The following FZD3 variants were observed in gnomAD, a reference collection of about 807,000 sequenced individuals.
FZD3 encodes the protein frizzled class receptor 3.
Under a neutral mutation model 60.7 loss-of-function variants are expected in FZD3, and 30 were observed. That is an observed-to-expected ratio of 0.49 (90% CI 0.37 to 0.67). FZD3 has a LOEUF of 0.67. FZD3 is among the 30% of genes least tolerant of loss of function. The pLI is 0.00. For missense variants in FZD3, 605 were observed against 838.7 expected (o/e 0.72, Z 3.44); for synonymous variants, 246 against 275.2 (o/e 0.89, Z 1.05).
rs772847603 is a variant in FZD3 at position 28,527,962 on chromosome 8, G to A, written c.1202G>A (p.Arg401Gln). 4 of 1,613,872 alleles carry A rather than the reference G, an allele frequency of 2.5e-6. No homozygotes were observed. Among genetic ancestry groups the A allele is most frequent in the Non-Finnish European group, 3.4e-6 (4 of 1,179,816 alleles). Reference protein sequence around the residue: ...LAGIISLNRVRIEIPLEKENQ... With the variant: ...LAGIISLNRVQIEIPLEKENQ... ...GGCATTATATCCCTAAACAGAGTTC[G>A]AATTGAGATTCCATTAGAAAAGGAG... The change falls in exon 5 of 8, where the codon CGA becomes CAA. Residue 401 changes from arginine (R) to glutamine (Q), a missense_variant. Physicochemically the swap from Arg to Gln is conservative, Grantham distance 43. Transcript: ENST00000240093. The surrounding 1 kb of genome is among the most constrained non-coding windows in gnomAD (Gnocchi z 5.0).
chr8:28,523,614 A>T lies in FZD3; in HGVS notation c.386+2780A>T, dbSNP rs1030862401. Among the ~76,000 whole-genome samples, 10 of 150,992 alleles carry T rather than the reference A, an allele frequency of 6.6e-5. No homozygotes were observed. In the South Asian group the frequency reaches 8.4e-4, roughly 13 times the overall value. On this transcript the variant is annotated intron_variant, in intron 4 of 7. Coordinates refer to ENST00000240093, the MANE Select transcript of FZD3 (RefSeq NM_017412.4). ...CCAGCTAATTAAAAAAAAAAAAAAA[A>T]TTTGTAGAGATGGGGTCTTGCTTTG...
intron 5 of FZD3, among the ~76,000 whole-genome samples, chr8:28,537,945 C>T (rs189234295): frequency 1.3e-5 from 2 of 151,906 alleles, no homozygotes; most frequent in Non-Finnish European, 2.9e-5. Context: ...GGTGAAACCC[C>T]GACTCTACTA....
At chr8:28,562,179 C>A (rs1244017958) in intron 7 of FZD3, among the ~76,000 whole-genome samples, 2 of 152,160 alleles carry the variant, frequency 1.3e-5, no homozygotes, top group African/African-American at 4.8e-5. Flanking sequence ...GAAGGAGCAT[C>A]TTCACAGCCT....
chr8:28,511,314 C>G (rs933694492), intron 3 of FZD3, among the ~76,000 whole-genome samples: 4 of 152,006 alleles, frequency 2.6e-5, no homozygotes, highest in African/African-American at 9.7e-5. Context: ...GGTGAAACCC[C>G]GTCTCTACTA....
At chr8:28,550,481 C>CTTT (rs386412443) in intron 5 of FZD3, among the ~76,000 whole-genome samples, 107 of 34,344 alleles carry the variant, frequency 3.1e-3, no homozygotes, top group African/African-American at 5.4e-3. Flanking sequence ...CTTCTTTTAT[C>CTTT]TTTTTTTTTT....
intron 3 of FZD3, among the ~76,000 whole-genome samples, chr8:28,507,711 A>G (rs1444605064): frequency 6.6e-6 from 1 of 151,162 alleles, no homozygotes; most frequent in African/African-American, 2.4e-5. Context: ...TAATTAGTTG[A>G]TTCCCAAGCA....
chr8:28,558,009 G>A (rs1254512304), intron 7 of FZD3, among the ~76,000 whole-genome samples: 2 of 152,242 alleles, frequency 1.3e-5, no homozygotes, highest in Admixed American at 1.3e-4. Flanking sequence ...AGAGGAGGCA[G>A]TTGGGAGTTA....
chr8:28,496,788 T>C (rs1803856159), intron 1 of FZD3, among the ~76,000 whole-genome samples: 1 of 152,252 alleles, frequency 6.6e-6, no homozygotes, highest in Admixed American at 6.5e-5. Flanking sequence ...CACGTGAAGT[T>C]TGAGATGAAT....
chr8:28,509,843 GTGGACAC>G (rs1362157806), intron 3 of FZD3, among the ~76,000 whole-genome samples: 1 of 152,160 alleles, frequency 6.6e-6, no homozygotes, highest in African/African-American at 2.4e-5. Context: ...TTATCCATCA[GTGGACAC>G]TTGGGTTGTT....
At chr8:28,538,073 C>T (rs112782658) in intron 5 of FZD3, among the ~76,000 whole-genome samples, 3,225 of 151,394 alleles carry the variant, frequency 0.021, 107 homozygotes, top group African/African-American at 0.074. Flanking sequence ...GCCAAGATTG[C>T]GCCACTGCAC....
At chr8:28,494,905 C>T (rs940849773) in intron 1 of FZD3, among the ~76,000 whole-genome samples, 2 of 152,170 alleles carry the variant, frequency 1.3e-5, no homozygotes, top group Non-Finnish European at 2.9e-5. Flanking sequence ...CCACCTTTGC[C>T]TGCCCACGCC....
chr8:28,551,772 A>C, intron 6 of FZD3, 21 bp downstream of exon 6: 1 of 1,584,630 alleles, frequency 6.3e-7, no homozygotes. Flanking sequence ...ATAAATGATC[A>C]CAGTGTTCAC....
intron 4 of FZD3, among the ~76,000 whole-genome samples, chr8:28,523,016 C>A (rs554815994): frequency 1.3e-5 from 2 of 152,060 alleles, no homozygotes; most frequent in East Asian, 3.9e-4. Flanking sequence ...GTGGTCCGCC[C>A]GCCTCAGCCT....
Position 28,563,188 on chromosome 8 carries a change from G to C in FZD3, c.*177G>C. 1.7e-6 allele frequency: 1 copy of C among 579,652 alleles called. No homozygotes were observed. The highest frequency in any genetic ancestry group is 3.1e-6 in the Non-Finnish European group (1 of 321,874). 35.9% of individuals were successfully genotyped at this position (579,652 alleles called of 1,614,324 possible). A position where few individuals can be genotyped will look rare whatever the true frequency, so the allele number is the denominator to read the frequency against. On this transcript the variant is annotated 3_prime_UTR_variant, in exon 8 of 8. Transcript: ENST00000240093. ...TATTGCATCAAACTTGGAACATCAA[G>C]GCATCCAAAACACTAAGAATTCTAT...
At chr8:28,556,792 C>A (rs939851628) in intron 7 of FZD3, among the ~76,000 whole-genome samples, 2 of 151,828 alleles carry the variant, frequency 1.3e-5, no homozygotes, top group Non-Finnish European at 2.9e-5. Flanking sequence ...AGTTTGCCAA[C>A]CCCTGTTTAC....
chr8:28,546,453 A>G (rs1585993086), intron 5 of FZD3, among the ~76,000 whole-genome samples: 1 of 152,302 alleles, frequency 6.6e-6, no homozygotes, highest in East Asian at 1.9e-4. Context: ...TATTGTTTGA[A>G]TGACTGTATA....
At chr8:28,559,026 G>GC (rs1327598187) in intron 7 of FZD3, among the ~76,000 whole-genome samples, 1 of 152,168 alleles carries the variant, frequency 6.6e-6, no homozygotes, top group African/African-American at 2.4e-5. Flanking sequence ...ATGTAGAACT[G>GC]CAGGAAAGAG....
intron 7 of FZD3, among the ~76,000 whole-genome samples, chr8:28,561,571 C>A (rs1805612989): frequency 6.7e-6 from 1 of 148,488 alleles, no homozygotes. Context: ...TCTGCAGCTG[C>A]TTATGATTAG....
chr8:28,514,232 T>A (rs1407591910), intron 3 of FZD3, among the ~76,000 whole-genome samples: 1 of 152,212 alleles, frequency 6.6e-6, no homozygotes, highest in Admixed American at 6.5e-5. Flanking sequence ...TAGTATTTCT[T>A]ATGTTATACA....
Sources: allele counts gnomAD v4.1 joint callset (sites outside exome capture counted in the v4.1 genomes callset), GRCh38; gene constraint gnomAD v4.1.1; non-coding constraint Gnocchi (gnomAD v3.1); transcripts MANE v1.5; gene names NCBI Gene and HGNC (gene_info 2026-07-23, HGNC 2026-07-21).